The following OR10G4 variants were observed in gnomAD, a reference collection of about 807,000 sequenced individuals.
OR10G4 encodes the protein olfactory receptor 10G4.
For synonymous variants in OR10G4, 130 were observed against 159.3 expected (o/e 0.82, Z 1.39); for missense variants, 318 against 388.8 (o/e 0.82, Z 1.53).
At chr11:124,015,407 T>C (rs917993045) in intron 1 of OR10G4, 141 bp from the exon 2 acceptor site, 7 of 793,736 alleles carry the variant, frequency 8.8e-6, no homozygotes, top group Admixed American at 2.9e-5. Flanking sequence ...TTCATCATCA[T>C]CTCTGTGAGG....
rs1864005805 is a variant in OR10G4 at position 124,015,379 on chromosome 11, G to A, written c.-27-169G>A. The A allele has an allele frequency of 1.3e-5, 9 of 672,728 alleles. 1 individual carries two copies. The South Asian group carries it at 1.6e-4, about 12-fold the overall frequency. The allele number at this position is 672,728 out of a possible 1,614,324, so 41.7% of individuals were successfully genotyped here. A position where few individuals can be genotyped will look rare whatever the true frequency, so the allele number is the denominator to read the frequency against. On this transcript the variant is annotated intron_variant, in intron 1 of 1. Coordinates refer to ENST00000641722, the MANE Select transcript of OR10G4 (RefSeq NM_001004462.2). Reference sequence around the variant, plus strand: ...TGTGTGCACCTGTGTGCATGTGTGTGAGAGAGGCTGAAATAATTTCATCAT... The same window carrying A: ...TGTGTGCACCTGTGTGCATGTGTGTAAGAGAGGCTGAAATAATTTCATCAT...
intron 1 of OR10G4, 56 bp downstream of exon 1, chr11:124,013,168 T>C (rs1331256763): frequency 2.0e-5 from 3 of 152,242 alleles, no homozygotes; most frequent in Non-Finnish European, 4.4e-5. Context: ...CCTTCTTTTC[T>C]TTATCTTAAC....
chr11:124,014,212 A>G (rs1329115785), intron 1 of OR10G4, among the ~76,000 whole-genome samples: 1 of 152,172 alleles, frequency 6.6e-6, no homozygotes, highest in African/African-American at 2.4e-5. Flanking sequence ...GAGACCTAGG[A>G]GAAGCCCTTT....
In OR10G4 at chr11:124,016,787, GA is replaced by G; in HGVS notation, c.*278del. Reference sequence around the variant, plus strand: ...TTTTAATCAAATCTCAGGGATAGATGATTAATTCATGTTTATAAATTGATAA... The same window carrying G: ...TTTTAATCAAATCTCAGGGATAGATGTTAATTCATGTTTATAAATTGATAA... On this transcript the variant is annotated 3_prime_UTR_variant, in exon 2 of 2. Coordinates refer to ENST00000641722, the MANE Select transcript of OR10G4 (RefSeq NM_001004462.2). 2 of 241,134 alleles carry G rather than the reference GA, an allele frequency of 8.3e-6. No homozygotes were observed. Among genetic ancestry groups the G allele is most frequent in the Non-Finnish European group, 1.6e-5 (2 of 125,948 alleles). 14.9% of individuals were successfully genotyped at this position (241,134 alleles called of 1,614,324 possible). A position where few individuals can be genotyped will look rare whatever the true frequency, so the allele number is the denominator to read the frequency against.
intron 1 of OR10G4, among the ~76,000 whole-genome samples, chr11:124,013,765 G>C (rs1395565637): frequency 6.6e-6 from 1 of 152,132 alleles, no homozygotes; most frequent in African/African-American, 2.4e-5. Flanking sequence ...CAGAATCTCA[G>C]CTTTTCTGGA....
rs1864025467 is a variant in OR10G4, at chr11:124,016,812, A to G, written c.*302A>G. On this transcript the variant is annotated 3_prime_UTR_variant, in exon 2 of 2. Coordinates refer to ENST00000641722, the MANE Select transcript of OR10G4 (RefSeq NM_001004462.2). The stretch of plus-strand genomic sequence containing the variant: ...GATTAATTCATGTTTATAAATTGAT[A>G]AACGGTTTTTGTGTTTTGTTTGATT... The G allele has an allele frequency of 4.9e-6, 1 of 202,330 alleles. No individual in the cohort carries two copies. The highest frequency in any genetic ancestry group is 1.1e-4 in the East Asian group (1 of 9,120). 12.5% of individuals were successfully genotyped at this position (202,330 alleles called of 1,614,324 possible). A position where few individuals can be genotyped will look rare whatever the true frequency, so the allele number is the denominator to read the frequency against.
Position 124,016,094 on chromosome 11 carries a change from C to T in OR10G4, c.520C>T (p.Gln174Ter), listed in dbSNP as rs1864015749. ...HLPYCGPNQI[Q>*]HYFCDAPPIL... ...GCCCTACTGTGGACCCAACCAGATCCAGCACTACTTCTGTGACGCACCGCC... is the reference window on the plus strand; with the variant it reads ...GCCCTACTGTGGACCCAACCAGATCTAGCACTACTTCTGTGACGCACCGCC... Residue 174 changes from glutamine to a stop codon, truncating the protein, a stop_gained, in exon 2 of 2, where the codon CAG becomes TAG. Coordinates refer to ENST00000641722, the MANE Select transcript of OR10G4 (RefSeq NM_001004462.2). LOFTEE classifies it low-confidence loss of function (END_TRUNC). The T allele has an allele frequency of 1.2e-6, 2 of 1,613,764 alleles. No individual in the cohort carries two copies. Among genetic ancestry groups the T allele is most frequent in the African/African-American group, 2.7e-5 (2 of 74,850 alleles).
At position 124,014,547 on chromosome 11, in the gene OR10G4, G is replaced by A. The variant is rs140367754; in HGVS notation, c.-27-1001G>A. ...ACCCACTGTCCTGCACCCACTTTCC[G>A]GCACTCCCCAGTGAGGTGAACCTGG... is the stretch of plus-strand genomic sequence containing the variant. On this transcript the variant is annotated intron_variant, in intron 1 of 1. Transcript: ENST00000641722. Among the ~76,000 whole-genome samples, 335 of 152,230 alleles carry A rather than the reference G, an allele frequency of 2.2e-3. 2 individuals are homozygous for A. The highest frequency in any genetic ancestry group is 3.9e-3 in the Non-Finnish European group (263 of 68,014).
Position 124,017,312 on chromosome 11 carries a change from A to G in OR10G4, c.*802A>G, listed in dbSNP as rs1409208685. On this transcript the variant is annotated 3_prime_UTR_variant, in exon 2 of 2. Coordinates refer to ENST00000641722, the MANE Select transcript of OR10G4 (RefSeq NM_001004462.2). ...CATTTTTAATGTTTGTTAAGATCCA[A>G]TATAAAAAATTAAATCTCTTAAATA... The G allele has an allele frequency of 6.6e-6, 1 of 152,216 alleles. No homozygotes were observed. Among genetic ancestry groups the G allele is most frequent in the Non-Finnish European group, 1.5e-5 (1 of 68,040 alleles). 9.4% of individuals were successfully genotyped at this position (152,216 alleles called of 1,614,324 possible).
Position 124,015,744 on chromosome 11 carries a change from T to G in OR10G4, c.170T>G (p.Met57Arg). Residue 57 changes from methionine (M) to arginine (R), a missense_variant, in exon 2 of 2, where the codon ATG (methionine) becomes AGG (arginine). Met to Arg is a moderately conservative substitution (Grantham distance 91). Coordinates refer to ENST00000641722, the MANE Select transcript of OR10G4 (RefSeq NM_001004462.2). Reference sequence around the variant, plus strand: ...GTGGATTCTCACCTCCACACCCCCATGTACTACTTCCTCACCAACCTGTCC... The same window carrying G: ...GTGGATTCTCACCTCCACACCCCCAGGTACTACTTCCTCACCAACCTGTCC... ...IRVDSHLHTP[M>R]YYFLTNLSFI... 6.2e-7 allele frequency: 1 copy of G among 1,606,900 alleles called. No homozygotes were observed. The highest frequency in any genetic ancestry group is 1.1e-5 in the South Asian group (1 of 90,548).
In OR10G4 at chr11:124,016,199, T is replaced by C. The variant is rs376530606; in HGVS notation, c.625T>C (p.Cys209Arg). The change falls in exon 2 of 2, where the codon TGC (cysteine) becomes CGC (arginine). Residue 209 changes from cysteine to arginine, a missense_variant. By Grantham distance (180) the Cys-to-Arg change is radical (BLOSUM62 -3). Transcript: ENST00000641722. ...GGACATTGGGATAGTGGCCTCAGGC[T>C]GCTTTGTCCTGATAGTGCTGTCCTA... ...FVDIGIVASG[C>R]FVLIVLSYVS... 1 of 1,614,128 alleles carries C rather than the reference T, an allele frequency of 6.2e-7. No homozygotes were observed. The highest frequency in any genetic ancestry group is 8.5e-7 in the Non-Finnish European group (1 of 1,180,056).
intron 1 of OR10G4, among the ~76,000 whole-genome samples, chr11:124,014,053 C>A (rs901193372): frequency 2.0e-5 from 3 of 152,044 alleles, no homozygotes; most frequent in African/African-American, 7.2e-5. Flanking sequence ...ATATGAACAT[C>A]ATGTTCTTAG....
rs767757005 is a variant in OR10G4, at chr11:124,016,131, T to G, written c.557T>G (p.Leu186Arg). 6.2e-7 allele frequency: 1 copy of G among 1,614,024 alleles called. No individual in the cohort carries two copies. The highest frequency in any genetic ancestry group is 8.5e-7 in the Non-Finnish European group (1 of 1,179,916). Residue 186 changes from leucine (L) to arginine (R), a missense_variant, in exon 2 of 2, where the codon CTG (leucine) becomes CGG (arginine). Transcript: ENST00000641722. ...YFCDAPPILK[L>R]ACADTSANVM... ...TGTGACGCACCGCCCATCCTGAAAC[T>G]GGCCTGTGCAGACACCTCAGCCAAC...
In OR10G4 at chr11:124,015,859, C is replaced by A. The variant is rs371270386; in HGVS notation, c.285C>A (p.Ser95Arg). The change falls in exon 2 of 2, where the codon AGC (serine) becomes AGA (arginine). Residue 95 changes from serine (S) to arginine (R), a missense_variant. By Grantham distance (110) the Ser-to-Arg change is moderately radical (BLOSUM62 -1). Coordinates refer to ENST00000641722, the MANE Select transcript of OR10G4 (RefSeq NM_001004462.2). Reference sequence around the variant, plus strand: ...GCGGCAGGGCTATCTCCTTCCACAGCTGCGTGGCTCAGCTCTATTTTTTCC... The same window carrying A: ...GCGGCAGGGCTATCTCCTTCCACAGATGCGTGGCTCAGCTCTATTTTTTCC... ...SPSGRAISFH[S>R]CVAQLYFFHF... 8 of 1,612,020 alleles carry A rather than the reference C, an allele frequency of 5.0e-6. No individual in the cohort carries two copies. In the African/African-American group the frequency reaches 1.1e-4, roughly 22 times the overall value.
chr11:124,016,430 G>T lies in OR10G4; in HGVS notation c.856G>T (p.Val286Leu). 1 of 1,614,100 alleles carries T rather than the reference G, an allele frequency of 6.2e-7. No individual in the cohort carries two copies. ...TVLTPLLNPV[V>L]YTLRNKEVKK... ...GCTGACGCCCCTTCTCAACCCTGTT[G>T]TGTACACCCTGAGAAACAAGGAGGT... Residue 286 changes from valine (V) to leucine (L), a missense_variant, in exon 2 of 2, where the codon GTG (valine) becomes TTG (leucine). Physicochemically the swap from Val to Leu is conservative, Grantham distance 32 (BLOSUM62 1). Coordinates refer to ENST00000641722, the MANE Select transcript of OR10G4 (RefSeq NM_001004462.2).
At position 124,016,207 on chromosome 11, in the gene OR10G4, C is replaced by T. The variant is rs1287180465; in HGVS notation, c.633C>T (p.Val211=). ...GGATAGTGGCCTCAGGCTGCTTTGTCCTGATAGTGCTGTCCTATGTGTCCA... is the reference window on the plus strand; with the variant it reads ...GGATAGTGGCCTCAGGCTGCTTTGTTCTGATAGTGCTGTCCTATGTGTCCA... ...DIGIVASGCF[V]LIVLSYVSIV... Residue 211 remains valine (V), a synonymous_variant, in exon 2 of 2, where the codon GTC becomes GTT. Coordinates refer to ENST00000641722, the MANE Select transcript of OR10G4 (RefSeq NM_001004462.2). The T allele has an allele frequency of 3.7e-6, 6 of 1,614,112 alleles. No homozygotes were observed. The highest frequency in any genetic ancestry group is 3.3e-4 in the Middle Eastern group (2 of 6,084).
At position 124,018,488 on chromosome 11, in the gene OR10G4, A is replaced by G. The variant is rs1461660788; in HGVS notation, c.*1978A>G. 2.0e-5 allele frequency: 3 copies of G among 152,034 alleles called. No individual in the cohort carries two copies. Among genetic ancestry groups the G allele is most frequent in the Non-Finnish European group, 4.4e-5 (3 of 68,038 alleles). 9.4% of individuals were successfully genotyped at this position (152,034 alleles called of 1,614,324 possible). On this transcript the variant is annotated 3_prime_UTR_variant, in exon 2 of 2. Coordinates refer to ENST00000641722, the MANE Select transcript of OR10G4 (RefSeq NM_001004462.2). ...TTCTTGTGTTACTTTGCTGGAAGAT[A>G]TTAGTTTCCAGTTTCATCAATGTCC...
In OR10G4 at chr11:124,016,657, A is replaced by G. The variant is rs1193652514; in HGVS notation, c.*147A>G. On this transcript the variant is annotated 3_prime_UTR_variant, in exon 2 of 2. Coordinates refer to ENST00000641722, the MANE Select transcript of OR10G4 (RefSeq NM_001004462.2). ...ATAATTCTTCCACAGATTGTCTAAG[A>G]CAGTTTTAACCTCACAGCTAGACTT... The G allele has an allele frequency of 1.4e-5, 8 of 568,582 alleles. No individual in the cohort carries two copies. Among genetic ancestry groups the G allele is most frequent in the Non-Finnish European group, 2.1e-5 (7 of 335,636 alleles). The allele number at this position is 568,582 out of a possible 1,614,324, so 35.2% of individuals were successfully genotyped here. A position where few individuals can be genotyped will look rare whatever the true frequency, so the allele number is the denominator to read the frequency against.
chr11:124,015,351 G>T, intron 1 of OR10G4, 197 bp from the exon 2 acceptor site: 2 of 602,938 alleles, frequency 3.3e-6, no homozygotes, highest in Non-Finnish European at 5.9e-6. Flanking sequence ...GTGTGTCTCT[G>T]TGTGTGTGCA....
Sources: allele counts gnomAD v4.1 joint callset (sites outside exome capture counted in the v4.1 genomes callset), GRCh38; gene constraint gnomAD v4.1.1; transcripts MANE v1.5; gene names NCBI Gene and HGNC (gene_info 2026-07-23, HGNC 2026-07-21).